Variants in CDK3 observed in about 807,000 individuals in gnomAD.
The protein encoded by CDK3 is cyclin-dependent kinase 3.
In CDK3, 24 loss-of-function variants were observed where a neutral mutation model predicts 30.2. The observed-to-expected ratio is 0.79, with a 90% confidence interval of 0.57 to 1.12. The LOEUF is 1.12. Ranked by LOEUF, CDK3 falls within the 50% of genes most tolerant of loss-of-function variation. CDK3 has a pLI of 0.00. For missense variants in CDK3, 345 were observed against 376.0 expected, an observed-to-expected ratio of 0.92 and a Z score of 0.68; for synonymous variants, 158 against 154.2, an observed-to-expected ratio of 1.02 and a Z score of -0.18.
Position 76,001,122 on chromosome 17 carries a change from T to G in CDK3, c.-15+155T>G. ...GGGTGGGAGAGTGTGGGCCCTGCCC[T>G]CCGAGGCCGGGCATGGGCGAGAAGC... On this transcript the variant is annotated intron_variant, in intron 1 of 7. Coordinates refer to ENST00000448471, the MANE Select transcript of CDK3 (RefSeq NM_001258.4). This position sits in a 1 kb window ranked among gnomAD's most constrained non-coding sequence, Gnocchi z 6.2. 1 of 1,238,608 alleles carries G rather than the reference T, an allele frequency of 8.1e-7. No individual in the cohort carries two copies. Among genetic ancestry groups the G allele is most frequent in the Non-Finnish European group, 1.0e-6 (1 of 977,088 alleles). 76.7% of individuals were successfully genotyped at this position (1,238,608 alleles called of 1,614,324 possible). A position where few individuals can be genotyped will look rare whatever the true frequency, so the allele number is the denominator to read the frequency against.
chr17:76,002,727 C>T lies in CDK3; in HGVS notation c.588+115C>T. On this transcript the variant is annotated intron_variant, in intron 6 of 7. Coordinates refer to ENST00000448471, the MANE Select transcript of CDK3 (RefSeq NM_001258.4). The surrounding 1 kb of genome is among the most constrained non-coding windows in gnomAD (Gnocchi z 4.3). The stretch of plus-strand genomic sequence containing the variant: ...GGATTAAAGAGTGTTTGGGGCTGGA[C>T]ATGGCTCACGCCCGTAATCCCAGCA... The T allele has an allele frequency of 1.5e-6, 1 of 674,508 alleles. No homozygotes were observed. The highest frequency in any genetic ancestry group is 2.6e-5 in the East Asian group (1 of 38,934). The allele number at this position is 674,508 out of a possible 1,614,324, so 41.8% of individuals were successfully genotyped here.
At chr17:76,004,236 T>TTTTTTTTTTTG (rs1598223869) in intron 7 of CDK3, among the ~76,000 whole-genome samples, 1 of 148,594 alleles carries the variant, frequency 6.7e-6, no homozygotes. Flanking sequence ...TTTTTTTTTT[T>TTTTTTTTTTTG]GAGACAGGGT....
Position 76,000,981 on chromosome 17 carries a change from G to A in CDK3, c.-15+14G>A, listed in dbSNP as rs2066252843. Reference sequence around the variant, plus strand: ...GCAGTGACCCAGGTGGGAAAGGGTGGTCTTGCCCTCTAAGGCCCGGCACAA... The same window carrying A: ...GCAGTGACCCAGGTGGGAAAGGGTGATCTTGCCCTCTAAGGCCCGGCACAA... On this transcript the variant is annotated intron_variant, in intron 1 of 7. Coordinates refer to ENST00000448471, the MANE Select transcript of CDK3 (RefSeq NM_001258.4). The surrounding 1 kb of genome is among the most constrained non-coding windows in gnomAD (Gnocchi z 5.9). 1 of 1,089,816 alleles carries A rather than the reference G, an allele frequency of 9.2e-7. No individual in the cohort carries two copies. Among genetic ancestry groups the A allele is most frequent in the African/African-American group, 1.7e-5 (1 of 59,394 alleles). The allele number at this position is 1,089,816 out of a possible 1,614,324, so 67.5% of individuals were successfully genotyped here.
In CDK3 at chr17:76,002,371, G is replaced by A. The variant is rs748605731; in HGVS notation, c.439G>A (p.Gly147Ser). 9 of 1,612,402 alleles carry A rather than the reference G, an allele frequency of 5.6e-6. No individual in the cohort carries two copies. The highest frequency in any genetic ancestry group is 4.5e-5 in the East Asian group (2 of 44,866). The change falls in exon 5 of 8, where the codon GGC becomes AGC. Residue 147 changes from glycine to serine, a missense_variant. Transcript: ENST00000448471. This position sits in a 1 kb window ranked among gnomAD's most constrained non-coding sequence, Gnocchi z 4.3. Reference sequence around the variant, plus strand: ...GGGTGCCATCAAGCTGGCTGACTTCGGCCTGGCTCGCGCCTTCGGGGTGCC... The same window carrying A: ...GGGTGCCATCAAGCTGGCTGACTTCAGCCTGGCTCGCGCCTTCGGGGTGCC... ...ELGAIKLADFGLARAFGVPLR... is the reference protein window; with the variant it reads ...ELGAIKLADFSLARAFGVPLR...
chr17:76,001,336 C>T lies in CDK3; in HGVS notation c.-14-76C>T, dbSNP rs758845108. On this transcript the variant is annotated intron_variant, in intron 1 of 7. Coordinates refer to ENST00000448471, the MANE Select transcript of CDK3 (RefSeq NM_001258.4). This position sits in a 1 kb window ranked among gnomAD's most constrained non-coding sequence, Gnocchi z 6.2. ...CTGGGCTGGGCTGGGCTGGGCAGGG[C>T]GCCACATGGAAGCTGGAGGAGCAAC... 1.3e-5 allele frequency: 20 copies of T among 1,586,824 alleles called. No homozygotes were observed. Among genetic ancestry groups the T allele is most frequent in the African/African-American group, 4.0e-5 (3 of 74,390 alleles).
intron 7 of CDK3, among the ~76,000 whole-genome samples, chr17:76,004,219 G>GTCTTTTTTTTTT (rs2066288747): frequency 1.1e-5 from 1 of 92,322 alleles, no homozygotes; most frequent in Non-Finnish European, 1.9e-5. Context: ...AGAACCGTCT[G>GTCTTTTTTTTTT]TTTTTTTTTT....
rs756946506 is a variant in CDK3, at chr17:76,002,115, C to T, written c.288C>T (p.Gly96=). ...AGAAGTACATGGACTCCACCCCAGG[C>T]TCAGAGCTCCCCCTGCACCTCATCA... ...DLKKYMDSTP[G]SELPLHLIKS... Residue 96 remains glycine, a synonymous_variant, in exon 4 of 8, where the codon GGC becomes GGT. Transcript: ENST00000448471. The surrounding 1 kb of genome is among the most constrained non-coding windows in gnomAD (Gnocchi z 4.3). 12 of 1,614,052 alleles carry T rather than the reference C, an allele frequency of 7.4e-6. No individual in the cohort carries two copies. Among genetic ancestry groups the T allele is most frequent in the Non-Finnish European group, 1.0e-5 (12 of 1,179,994 alleles).
chr17:76,001,154 G>C lies in CDK3; in HGVS notation c.-15+187G>C, dbSNP rs980781487. On this transcript the variant is annotated intron_variant, in intron 1 of 7. Coordinates refer to ENST00000448471, the MANE Select transcript of CDK3 (RefSeq NM_001258.4). This position sits in a 1 kb window ranked among gnomAD's most constrained non-coding sequence, Gnocchi z 6.2. ...CCGGGCATGGGCGAGAAGCCTGGGG[G>C]TCCTGGCTGAACTGGGCTGGGTGAA... 9.9e-6 allele frequency: 13 copies of C among 1,308,304 alleles called. No homozygotes were observed. In the African/African-American group the frequency reaches 2.0e-4, roughly 20 times the overall value. The allele number at this position is 1,308,304 out of a possible 1,614,324, so 81.0% of individuals were successfully genotyped here.
rs1275337779 is a variant in CDK3 at position 76,005,301 on chromosome 17, C to A, written c.796C>A (p.Leu266Ile). The A allele has an allele frequency of 2.5e-6, 4 of 1,613,752 alleles. No individual in the cohort carries two copies. The highest frequency in any genetic ancestry group is 3.3e-5 in the Admixed American group (2 of 59,964). ...EPEGRDLLMQLLQYDPSQRIT... is the reference protein window; with the variant it reads ...EPEGRDLLMQILQYDPSQRIT... ...CTTCTTCCTTCTTTCTTCCTAGCAA[C>A]TCCTGCAGTATGACCCCAGCCAGCG... The change falls in exon 8 of 8, where the codon CTC becomes ATC. Residue 266 changes from leucine (L) to isoleucine (I), a missense_variant. Transcript: ENST00000448471. The surrounding 1 kb of genome is among the most constrained non-coding windows in gnomAD (Gnocchi z 4.7).
In CDK3 at chr17:76,005,166, T is replaced by C; in HGVS notation, c.793-132T>C. ...AACTGGCTGGAGAGCTGGGAGGTCATGGCTTCATGCGGTTCTGGGTTTGAG... is the reference window on the plus strand; with the variant it reads ...AACTGGCTGGAGAGCTGGGAGGTCACGGCTTCATGCGGTTCTGGGTTTGAG... On this transcript the variant is annotated intron_variant, in intron 7 of 7. Transcript: ENST00000448471. This position sits in a 1 kb window ranked among gnomAD's most constrained non-coding sequence, Gnocchi z 4.7. 1 of 1,108,644 alleles carries C rather than the reference T, an allele frequency of 9.0e-7. No homozygotes were observed. The highest frequency in any genetic ancestry group is 1.3e-6 in the Non-Finnish European group (1 of 788,986). 68.7% of individuals were successfully genotyped at this position (1,108,644 alleles called of 1,614,324 possible).
chr17:76,003,128 T>A, intron 6 of CDK3, 67 bp from the exon 7 acceptor site: 1 of 1,363,170 alleles, frequency 7.3e-7, no homozygotes, highest in African/African-American at 1.4e-5. Context: ...GTCTGGCCAC[T>A]TATCTGGTAT....
At position 76,001,562 on chromosome 17, in the gene CDK3, T is replaced by C. The variant is rs767014784; in HGVS notation, c.116+21T>C. On this transcript the variant is annotated intron_variant, in intron 2 of 7. Transcript: ENST00000448471. This position sits in a 1 kb window ranked among gnomAD's most constrained non-coding sequence, Gnocchi z 6.2. ...GATTTGTGAGTGCTGGGACGGCCCC[T>C]GAGTTACCCACCCTGGGCCATCACA... The C allele has an allele frequency of 6.3e-7, 1 of 1,599,492 alleles. No individual in the cohort carries two copies. The highest frequency in any genetic ancestry group is 1.1e-5 in the South Asian group (1 of 90,370).
chr17:76,003,288 C>G lies in CDK3; in HGVS notation c.682C>G (p.Pro228Ala). ...MLGTPSEDTW[P>A]GVTQLPDYKG... The stretch of plus-strand genomic sequence containing the variant: ...GGGGACACCCAGCGAAGACACATGG[C>G]CCGGGGTCACCCAGCTGCCTGACTA... Residue 228 changes from proline to alanine, a missense_variant, in exon 7 of 8, where the codon CCC becomes GCC. Pro to Ala is a conservative substitution (Grantham distance 27). Transcript: ENST00000448471. 6.2e-7 allele frequency: 1 copy of G among 1,614,076 alleles called. No individual in the cohort carries two copies. Among genetic ancestry groups the G allele is most frequent in the Non-Finnish European group, 8.5e-7 (1 of 1,179,936 alleles).
Position 76,001,491 on chromosome 17 carries a change from G to C in CDK3, c.66G>C (p.Lys22Asn). The change falls in exon 2 of 8, where the codon AAG (lysine) becomes AAC (asparagine). Residue 22 changes from lysine (K) to asparagine (N), a missense_variant. By Grantham distance (94) the Lys-to-Asn change is moderately conservative (BLOSUM62 0). Coordinates refer to ENST00000448471, the MANE Select transcript of CDK3 (RefSeq NM_001258.4). This position sits in a 1 kb window ranked among gnomAD's most constrained non-coding sequence, Gnocchi z 6.2. ...EGTYGVVYKA[K>N]NRETGQLVAL... ...CCTATGGGGTGGTGTACAAGGCCAA[G>C]AACAGGGAGACAGGGCAGCTGGTGG... The C allele has an allele frequency of 6.2e-7, 1 of 1,614,110 alleles. No individual in the cohort carries two copies. The highest frequency in any genetic ancestry group is 8.5e-7 in the Non-Finnish European group (1 of 1,179,964).
chr17:76,002,717 TG>T lies in CDK3; in HGVS notation c.588+109del, dbSNP rs2066273081. 5.7e-6 allele frequency: 4 copies of T among 704,164 alleles called. No homozygotes were observed. Among genetic ancestry groups the T allele is most frequent in the Non-Finnish European group, 1.0e-5 (4 of 383,676 alleles). The allele number at this position is 704,164 out of a possible 1,614,324, so 43.6% of individuals were successfully genotyped here. A position where few individuals can be genotyped will look rare whatever the true frequency, so the allele number is the denominator to read the frequency against. Reference sequence around the variant, plus strand: ...CATTCGAGGCGGATTAAAGAGTGTTTGGGGCTGGACATGGCTCACGCCCGTA... The same window carrying T: ...CATTCGAGGCGGATTAAAGAGTGTTTGGGCTGGACATGGCTCACGCCCGTA... On this transcript the variant is annotated intron_variant, in intron 6 of 7. Coordinates refer to ENST00000448471, the MANE Select transcript of CDK3 (RefSeq NM_001258.4). This position sits in a 1 kb window ranked among gnomAD's most constrained non-coding sequence, Gnocchi z 4.3.
rs1410488447 is a variant in CDK3 at position 76,001,778 on chromosome 17, T to A, written c.117-96T>A. 8.2e-7 allele frequency: 1 copy of A among 1,216,236 alleles called. No homozygotes were observed. 75.3% of individuals were successfully genotyped at this position (1,216,236 alleles called of 1,614,324 possible). A position where few individuals can be genotyped will look rare whatever the true frequency, so the allele number is the denominator to read the frequency against. On this transcript the variant is annotated intron_variant, in intron 2 of 7. Coordinates refer to ENST00000448471, the MANE Select transcript of CDK3 (RefSeq NM_001258.4). This position sits in a 1 kb window ranked among gnomAD's most constrained non-coding sequence, Gnocchi z 6.2. ...CAGGTCTCCATTGCCGGGGCCCTGG[T>A]CATTCTGTGGGGTTAAGGAGAAGCC...
In CDK3 at chr17:76,001,613, C is replaced by G. The variant is rs2066260054; in HGVS notation, c.116+72C>G. 7.5e-7 allele frequency: 1 copy of G among 1,326,900 alleles called. No individual in the cohort carries two copies. Among genetic ancestry groups the G allele is most frequent in the Admixed American group, 1.8e-5 (1 of 55,268 alleles). The allele number at this position is 1,326,900 out of a possible 1,614,324, so 82.2% of individuals were successfully genotyped here. ...ACCTGGGCGCTCCCTGATCCGTTCC[C>G]TCTTTCCTGGAGTCCACGTTTAACT... is the stretch of plus-strand genomic sequence containing the variant. On this transcript the variant is annotated intron_variant, in intron 2 of 7. Coordinates refer to ENST00000448471, the MANE Select transcript of CDK3 (RefSeq NM_001258.4). The surrounding 1 kb of genome is among the most constrained non-coding windows in gnomAD (Gnocchi z 6.2).
In CDK3 at chr17:76,001,629, AC is replaced by A; in HGVS notation, c.116+89del. 1 of 1,153,106 alleles carries A rather than the reference AC, an allele frequency of 8.7e-7. No homozygotes were observed. The highest frequency in any genetic ancestry group is 2.4e-5 in the East Asian group (1 of 42,184). The allele number at this position is 1,153,106 out of a possible 1,614,324, so 71.4% of individuals were successfully genotyped here. On this transcript the variant is annotated intron_variant, in intron 2 of 7. Coordinates refer to ENST00000448471, the MANE Select transcript of CDK3 (RefSeq NM_001258.4). The surrounding 1 kb of genome is among the most constrained non-coding windows in gnomAD (Gnocchi z 6.2). ...ATCCGTTCCCTCTTTCCTGGAGTCCACGTTTAACTCCTCTGGGTGCTGCCCA... is the reference window on the plus strand; with the variant it reads ...ATCCGTTCCCTCTTTCCTGGAGTCCAGTTTAACTCCTCTGGGTGCTGCCCA...
In CDK3 at chr17:76,001,786, TG is replaced by T; in HGVS notation, c.117-84del. 7.9e-7 allele frequency: 1 copy of T among 1,269,170 alleles called. No individual in the cohort carries two copies. The highest frequency in any genetic ancestry group is 1.4e-5 in the South Asian group (1 of 71,036). The allele number at this position is 1,269,170 out of a possible 1,614,324, so 78.6% of individuals were successfully genotyped here. ...CATTGCCGGGGCCCTGGTCATTCTG[TG>T]GGGTTAAGGAGAAGCCGATCCCCCT... On this transcript the variant is annotated intron_variant, in intron 2 of 7. Transcript: ENST00000448471. The surrounding 1 kb of genome is among the most constrained non-coding windows in gnomAD (Gnocchi z 6.2).
Sources: allele counts gnomAD v4.1 joint callset (sites outside exome capture counted in the v4.1 genomes callset), GRCh38; gene constraint gnomAD v4.1.1; non-coding constraint Gnocchi (gnomAD v3.1); transcripts MANE v1.5; gene names NCBI Gene and HGNC (gene_info 2026-07-23, HGNC 2026-07-21).